APBA1: variants seen among roughly 807,000 people sequenced by gnomAD.
The protein encoded by APBA1 is amyloid-beta A4 precursor protein-binding family A member 1.
Under a neutral mutation model 86.6 loss-of-function variants are expected in APBA1, and 55 were observed. That is an observed-to-expected ratio of 0.64 (90% confidence interval 0.51 to 0.80). The LOEUF is 0.80. Among genes scored for constraint, APBA1 ranks in the 30% least tolerant of loss-of-function variants. The probability of loss-of-function intolerance (pLI) is 0.00; values close to 1 mark genes in which losing one functional copy is unlikely to be tolerated. For synonymous variants in APBA1, 511 were observed against 493.9 expected (o/e 1.03, Z -0.46); for missense variants, 1,090 against 1,183.0 (o/e 0.92, Z 1.15).
At chr9:69,553,527 T>C (rs559963214) in intron 1 of APBA1, among the ~76,000 whole-genome samples, 1 of 152,326 alleles carries the variant, frequency 6.6e-6, no homozygotes, top group African/African-American at 2.4e-5. Context: ...AATTCACCCA[T>C]GTCATTGTAT....
chr9:69,493,789 C>A (rs534780999), intron 2 of APBA1, among the ~76,000 whole-genome samples: 6 of 152,172 alleles, frequency 3.9e-5, no homozygotes, highest in African/African-American at 1.2e-4. Context: ...CAGAGTGGGT[C>A]TGAACACACG....
At chr9:69,530,556 G>C (rs566185466) in intron 1 of APBA1, among the ~76,000 whole-genome samples, 19 of 151,856 alleles carry the variant, frequency 1.3e-4, no homozygotes, top group Non-Finnish European at 2.6e-4. Flanking sequence ...TAGATACCAG[G>C]GACTCCAAAA....
intron 10 of APBA1, among the ~76,000 whole-genome samples, chr9:69,448,697 C>G (rs967183446): frequency 6.6e-6 from 1 of 151,948 alleles, no homozygotes; most frequent in African/African-American, 2.4e-5. Context: ...CATGCACATA[C>G]GCACACAGCT....
At chr9:69,572,320 T>C (rs1837129430) in intron 1 of APBA1, among the ~76,000 whole-genome samples, 1 of 152,162 alleles carries the variant, frequency 6.6e-6, no homozygotes. Flanking sequence ...AGCTCCCACT[T>C]CTAAGTGAAA....
intron 1 of APBA1, among the ~76,000 whole-genome samples, chr9:69,619,669 C>T (rs1020752298): frequency 3.9e-5 from 6 of 152,216 alleles, no homozygotes; most frequent in African/African-American, 1.4e-4. Flanking sequence ...TTGGGAAAAA[C>T]AGAGAAGCCA....
At chr9:69,557,998 C>G (rs1462867986) in intron 1 of APBA1, among the ~76,000 whole-genome samples, 2 of 152,156 alleles carry the variant, frequency 1.3e-5, no homozygotes, top group Admixed American at 6.6e-5. Flanking sequence ...TTTTCTGAGG[C>G]ATACATGTTA....
chr9:69,634,267 C>T (rs1191693003), intron 1 of APBA1, among the ~76,000 whole-genome samples: 1 of 152,172 alleles, frequency 6.6e-6, no homozygotes, highest in Non-Finnish European at 1.5e-5. Flanking sequence ...TGCATTGAAA[C>T]TCAGTGCTGC....
intron 1 of APBA1, among the ~76,000 whole-genome samples, chr9:69,647,886 T>G (rs1185911778): frequency 1.3e-5 from 2 of 152,236 alleles, no homozygotes; most frequent in Non-Finnish European, 2.9e-5. Context: ...ATAGGCAGAC[T>G]GTTGACTGGG....
chr9:69,613,466 G>C (rs545861064), intron 1 of APBA1, among the ~76,000 whole-genome samples: 1 of 151,952 alleles, frequency 6.6e-6, no homozygotes, highest in African/African-American at 2.4e-5. Flanking sequence ...TTCTTGTCTC[G>C]GAAGTTCCAC....
chr9:69,475,171 A>C (rs1169894852), intron 3 of APBA1, among the ~76,000 whole-genome samples: 4 of 152,190 alleles, frequency 2.6e-5, no homozygotes. Context: ...CCTTTCTCAG[A>C]CCCAGACACC....
chr9:69,456,160 C>T (rs1306667998), intron 8 of APBA1, 87 bp downstream of exon 8: 2 of 1,373,308 alleles, frequency 1.5e-6, no homozygotes, highest in Admixed American at 1.7e-5. Flanking sequence ...TAAATACATG[C>T]ATCATGTGTG....
intron 1 of APBA1, among the ~76,000 whole-genome samples, chr9:69,566,512 T>A (rs1328957338): frequency 1.3e-5 from 2 of 152,214 alleles, no homozygotes; most frequent in Non-Finnish European, 2.9e-5. Flanking sequence ...AATGCTCTGA[T>A]AGTGACTCTT....
intron 4 of APBA1, among the ~76,000 whole-genome samples, chr9:69,470,001 T>A (rs1835341292): frequency 6.6e-6 from 1 of 152,170 alleles, no homozygotes; most frequent in Admixed American, 6.5e-5. Context: ...ACTGAGAAGG[T>A]CCCTTTTTGA....
chr9:69,475,087 G>A (rs1456010549), intron 3 of APBA1, among the ~76,000 whole-genome samples: 2 of 152,186 alleles, frequency 1.3e-5, no homozygotes, highest in Non-Finnish European at 2.9e-5. Context: ...TCATTAGCAG[G>A]TGTGGGTGGC....
intron 1 of APBA1, among the ~76,000 whole-genome samples, chr9:69,535,990 G>T (rs1836502083): frequency 6.7e-6 from 1 of 150,208 alleles, no homozygotes; most frequent in Non-Finnish European, 1.5e-5. Context: ...CCACATATTT[G>T]GTGATTCTAT....
In APBA1 at chr9:69,547,769, C is replaced by T. The variant is rs550194076; in HGVS notation, c.-69-30490G>A. On this transcript the variant is annotated intron_variant, in intron 1 of 12. Coordinates refer to ENST00000265381, the MANE Select transcript of APBA1 (RefSeq NM_001163.4). ...CATGACTTCAAGGCTGGAAGAAGAT[C>T]CAAGCTTTCCCCATTTCAGTCAAGT... 8.5e-5 allele frequency among the ~76,000 whole-genome samples: 13 copies of T among 152,298 alleles called. No individual in the cohort carries two copies. The South Asian group carries it at 1.7e-3, about 19-fold the overall frequency.
chr9:69,586,727 TG>T (rs1211103205), intron 1 of APBA1, among the ~76,000 whole-genome samples: 3 of 152,184 alleles, frequency 2.0e-5, no homozygotes, highest in Admixed American at 6.5e-5. Context: ...ATCCTCTCCT[TG>T]TTGCCTAAAA....
intron 1 of APBA1, among the ~76,000 whole-genome samples, chr9:69,633,503 G>GCT (rs1244450318): frequency 1.3e-5 from 2 of 152,178 alleles, no homozygotes; most frequent in Non-Finnish European, 2.9e-5. Context: ...CTCACATGGA[G>GCT]GGCAAAGTGA....
At chr9:69,621,578 G>A (rs544186117) in intron 1 of APBA1, among the ~76,000 whole-genome samples, 2 of 152,264 alleles carry the variant, frequency 1.3e-5, no homozygotes, top group Non-Finnish European at 2.9e-5. Context: ...CTATGAGCAA[G>A]TTATTTATTC....
Sources: allele counts gnomAD v4.1 joint callset (sites outside exome capture counted in the v4.1 genomes callset), GRCh38; gene constraint gnomAD v4.1.1; transcripts MANE v1.5; gene names NCBI Gene and HGNC (gene_info 2026-07-23, HGNC 2026-07-21).